The following SLC24A4 variants were observed in gnomAD, a reference collection of about 807,000 sequenced individuals.
The protein encoded by SLC24A4 is sodium/potassium/calcium exchanger 4.
A neutral mutation model predicts 79.0 loss-of-function variants in SLC24A4; 53 were observed. The ratio of observed to expected loss-of-function variants is 0.67; its 90% CI spans 0.54 to 0.84. The LOEUF (loss-of-function observed/expected upper bound fraction) is 0.84, where lower values mean the gene tolerates loss of function less well. Among genes scored for constraint, SLC24A4 ranks in the 40% least tolerant of loss-of-function variants. The pLI is 0.00. For synonymous variants in SLC24A4, 323 were observed against 323.8 expected (o/e 1.00, Z 0.03); for missense variants, 731 against 822.0 (o/e 0.89, Z 1.35).
chr14:92,462,924 CTT>C (rs1239875273), intron 12 of SLC24A4, among the ~76,000 whole-genome samples: 2 of 152,176 alleles, frequency 1.3e-5, no homozygotes, highest in Non-Finnish European at 2.9e-5. Context: ...CCAAAGGACT[CTT>C]TGCTCTTCTT....
At chr14:92,489,111 A>G (rs1953067739) in intron 14 of SLC24A4, among the ~76,000 whole-genome samples, 3 of 152,042 alleles carry the variant, frequency 2.0e-5, no homozygotes, top group Admixed American at 1.3e-4. Flanking sequence ...TAACATTGAT[A>G]TGATTGACAG....
intron 12 of SLC24A4, among the ~76,000 whole-genome samples, chr14:92,480,233 T>A (rs779326867): frequency 1.3e-5 from 2 of 151,090 alleles, no homozygotes; most frequent in Admixed American, 1.3e-4. Context: ...TTTTCTTTTC[T>A]TCTTTTATTT....
In SLC24A4 at chr14:92,500,170, G is replaced by A. The variant is rs1013854844; in HGVS notation, c.*6542G>A. The A allele has an allele frequency of 1.3e-5, 2 of 152,108 alleles. No homozygotes were observed. The highest frequency in any genetic ancestry group is 4.8e-5 in the African/African-American group (2 of 41,388). 9.4% of individuals were successfully genotyped at this position (152,108 alleles called of 1,614,324 possible). ...TGCTTCTTATGCAACATGTTGGTTGGGACTTGTCCACGGGCCAGGCCAATA... is the reference window on the plus strand; with the variant it reads ...TGCTTCTTATGCAACATGTTGGTTGAGACTTGTCCACGGGCCAGGCCAATA... On this transcript the variant is annotated 3_prime_UTR_variant, in exon 17 of 17. Coordinates refer to ENST00000532405, the MANE Select transcript of SLC24A4 (RefSeq NM_153646.4).
intron 12 of SLC24A4, among the ~76,000 whole-genome samples, chr14:92,466,691 A>G (rs1199586455): frequency 1.3e-5 from 2 of 152,202 alleles, no homozygotes; most frequent in African/African-American, 4.8e-5. Flanking sequence ...TGGGGCTCTA[A>G]TCTGACAGTT....
At chr14:92,339,635 C>T (rs902016597) in intron 2 of SLC24A4, among the ~76,000 whole-genome samples, 2 of 152,068 alleles carry the variant, frequency 1.3e-5, no homozygotes, top group African/African-American at 2.4e-5. Context: ...GAACGGTGGG[C>T]GCGGGTGGGT....
At chr14:92,404,369 T>C (rs1890264755) in intron 2 of SLC24A4, among the ~76,000 whole-genome samples, 1 of 152,206 alleles carries the variant, frequency 6.6e-6, no homozygotes, top group Non-Finnish European at 1.5e-5. Context: ...ATAGTGCAAA[T>C]AGAACAAAAT....
In SLC24A4 at chr14:92,389,895, C is replaced by T. The variant is rs1036972171; in HGVS notation, c.242-44017C>T. 2.0e-5 allele frequency among the ~76,000 whole-genome samples: 3 copies of T among 152,194 alleles called. No individual in the cohort carries two copies. In the East Asian group the frequency reaches 5.8e-4, roughly 29 times the overall value. On this transcript the variant is annotated intron_variant, in intron 2 of 16. Coordinates refer to ENST00000532405, the MANE Select transcript of SLC24A4 (RefSeq NM_153646.4). ...TCCCACCCCTGGGCGCCTGCGTTCC[C>T]TGCCAAGTCTTATTCCCAAGCATCC...
intron 2 of SLC24A4, among the ~76,000 whole-genome samples, chr14:92,372,986 CCTCTCT>C (rs1264684347): frequency 3.4e-4 from 44 of 130,768 alleles, no homozygotes; most frequent in Non-Finnish European, 5.7e-4. Flanking sequence ...CCTCCCTCTC[CCTCTCT>C]CTCTCTTCTT....
chr14:92,455,810 C>T (rs1459014544), intron 11 of SLC24A4, among the ~76,000 whole-genome samples: 6 of 152,038 alleles, frequency 3.9e-5, no homozygotes, highest in Admixed American at 2.0e-4. Context: ...AAGCGATTCT[C>T]CTGCCTCAGC....
intron 3 of SLC24A4, among the ~76,000 whole-genome samples, chr14:92,437,167 C>T (rs900100537): frequency 2.6e-5 from 4 of 152,112 alleles, no homozygotes; most frequent in Non-Finnish European, 5.9e-5. Flanking sequence ...TCTCTTTTTC[C>T]GTGGGTCCTG....
intron 2 of SLC24A4, among the ~76,000 whole-genome samples, chr14:92,345,123 C>T (rs557343755): frequency 5.3e-5 from 8 of 152,276 alleles, no homozygotes; most frequent in Admixed American, 2.6e-4. Flanking sequence ...GGACAACCCC[C>T]GAGTTGCAGG....
chr14:92,445,470 G>GA, intron 8 of SLC24A4, 128 bp downstream of exon 8: 1 of 1,059,280 alleles, frequency 9.4e-7, no homozygotes, highest in South Asian at 1.5e-5. Context: ...TTGTGAAAGT[G>GA]AAAAAAAGAT....
intron 2 of SLC24A4, among the ~76,000 whole-genome samples, chr14:92,362,596 G>T (rs928766275): frequency 5.3e-5 from 8 of 152,302 alleles, no homozygotes; most frequent in African/African-American, 1.7e-4. Context: ...GGAAGAGATG[G>T]CTTCTAGCTT....
chr14:92,322,603 C>T (rs1490158991), upstream of SLC24A4: 3 of 152,758 alleles, frequency 2.0e-5, no homozygotes, highest in African/African-American at 7.2e-5. Context: ...CTCTCTGGTT[C>T]CCCTCTCTGC....
chr14:92,449,018 C>A, intron 9 of SLC24A4, 56 bp from the exon 10 acceptor site: 2 of 1,601,484 alleles, frequency 1.2e-6, no homozygotes, highest in Non-Finnish European at 1.7e-6. Flanking sequence ...CACCCGCTGC[C>A]CAGTTGGTGG....
At chr14:92,380,493 T>G (rs1259543702) in intron 2 of SLC24A4, among the ~76,000 whole-genome samples, 1 of 152,190 alleles carries the variant, frequency 6.6e-6, no homozygotes, top group Non-Finnish European at 1.5e-5. Context: ...TGAGAATCTG[T>G]GATTTGGTTT....
intron 12 of SLC24A4, among the ~76,000 whole-genome samples, chr14:92,479,174 CTTTTA>C (rs1894926345): frequency 6.6e-6 from 1 of 152,108 alleles, no homozygotes; most frequent in South Asian, 2.1e-4. Context: ...ATCTGAATCA[CTTTTA>C]TTTATTTTTC....
At chr14:92,336,232 C>T (rs796661433) in intron 2 of SLC24A4, among the ~76,000 whole-genome samples, 47 of 152,224 alleles carry the variant, frequency 3.1e-4, no homozygotes, top group African/African-American at 1.1e-3. Flanking sequence ...GAGATCCAGC[C>T]GTTGGACGTA....
chr14:92,421,177 C>T (rs1424647973), intron 2 of SLC24A4, among the ~76,000 whole-genome samples: 2 of 152,166 alleles, frequency 1.3e-5, no homozygotes, highest in Non-Finnish European at 2.9e-5. Flanking sequence ...ACGAGAAAAA[C>T]AGTGGGGAGC....
Sources: allele counts gnomAD v4.1 joint callset (sites outside exome capture counted in the v4.1 genomes callset), GRCh38; gene constraint gnomAD v4.1.1; transcripts MANE v1.5; gene names NCBI Gene and HGNC (gene_info 2026-07-23, HGNC 2026-07-21).